C5: variants seen among roughly 807,000 people sequenced by gnomAD.
C5 encodes C3 and PZP-like alpha-2-macroglobulin domain-containing protein 4.
A neutral mutation model predicts 218.8 loss-of-function variants in C5; 140 were observed. The observed-to-expected ratio is 0.64, with a 90% confidence interval of 0.56 to 0.74. The LOEUF is 0.74. Ranked by LOEUF, C5 falls within the 30% of genes least tolerant of loss-of-function variation. The pLI is 0.00. For synonymous variants in C5, 614 were observed against 682.3 expected (o/e 0.90, Z 1.56); for missense variants, 1,700 against 1,969.6 (o/e 0.86, Z 2.59).
chr9:120,991,167 TA>T, intron 23 of C5, 23 bp downstream of exon 23: 1 of 1,335,214 alleles, frequency 7.5e-7, no homozygotes, highest in Non-Finnish European at 1.1e-6. Flanking sequence ...AAATGAGAAA[TA>T]AAAATGGCAT....
In C5 at chr9:121,032,301, A is replaced by G. The variant is rs905014862; in HGVS notation, c.585-106T>C. ...TTTAAAGAGGGAAGAATACACAAAG[A>G]TATATAAAACCTAAGTAATATATTT... On this transcript the variant is annotated intron_variant, in intron 5 of 40. Coordinates refer to ENST00000223642, the MANE Select transcript of C5 (RefSeq NM_001735.3). The G allele has an allele frequency of 1.3e-5, 9 of 680,506 alleles. No individual in the cohort carries two copies. In the African/African-American group the frequency reaches 1.6e-4, roughly 12 times the overall value. 42.2% of individuals were successfully genotyped at this position (680,506 alleles called of 1,614,324 possible). A position where few individuals can be genotyped will look rare whatever the true frequency, so the allele number is the denominator to read the frequency against.
At chr9:120,980,306 A>G (rs776124908) in intron 27 of C5, 52 bp from the exon 28 acceptor site, 8 of 1,502,838 alleles carry the variant, frequency 5.3e-6, no homozygotes, top group Non-Finnish European at 7.4e-6. Flanking sequence ...CCACCTATCA[A>G]TTGATATGAA....
rs762374030 is a variant in C5 at position 121,013,824 on chromosome 9, C to T, written c.2257+49G>A. On this transcript the variant is annotated intron_variant, in intron 17 of 40. Transcript: ENST00000223642. ...CCTTTCTTAGCAGCATAAAATTACACAAAATTCCCCATATTGAGCAGAATT... is the reference window on the plus strand; with the variant it reads ...CCTTTCTTAGCAGCATAAAATTACATAAAATTCCCCATATTGAGCAGAATT... 3 of 1,509,594 alleles carry T rather than the reference C, an allele frequency of 2.0e-6. No individual in the cohort carries two copies. The Admixed American group carries it at 5.0e-5, about 25-fold the overall frequency. The allele number at this position is 1,509,594 out of a possible 1,614,324, so 93.5% of individuals were successfully genotyped here.
intron 25 of C5, among the ~76,000 whole-genome samples, chr9:120,987,859 C>T (rs10760133): frequency 0.37 from 55,702 of 151,624 alleles, 12,707 homozygotes; most frequent in South Asian, 0.63. Flanking sequence ...GTAGCGCGAT[C>T]TCGGCTCACT....
chr9:120,973,511 A>G (rs1268881209), intron 30 of C5, among the ~76,000 whole-genome samples: 2 of 152,218 alleles, frequency 1.3e-5, no homozygotes, highest in Admixed American at 6.5e-5. Flanking sequence ...TGTAGAAGCC[A>G]TGCCAATGCC....
Position 120,973,807 on chromosome 9 carries a change from A to G in C5, c.4017+972T>C, listed in dbSNP as rs41312853. Among the ~76,000 whole-genome samples, 888 of 152,224 alleles carry G rather than the reference A, an allele frequency of 5.8e-3. 7 individuals carry two copies. The highest frequency in any genetic ancestry group is 0.031 in the Middle Eastern group (9 of 294). ...CAGCCTGGCCAAATGGTGAAACCCCATATCTACCAAAAATACAAAAAATGA... is the reference window on the plus strand; with the variant it reads ...CAGCCTGGCCAAATGGTGAAACCCCGTATCTACCAAAAATACAAAAAATGA... On this transcript the variant is annotated intron_variant, in intron 30 of 40. Transcript: ENST00000223642.
Position 120,953,877 on chromosome 9 carries a change from C to T in C5, c.4763-9G>A, listed in dbSNP as rs749681975. On this transcript the variant is annotated splice_polypyrimidine_tract_variant and intron_variant, in intron 39 of 40. Coordinates refer to ENST00000223642, the MANE Select transcript of C5 (RefSeq NM_001735.3). ...CTCAGCAACAGCTTCCCCTGAGAGA[C>T]ATGCAAGTCAAGTAAGGTTATACCA... 3.7e-6 allele frequency: 6 copies of T among 1,613,754 alleles called. No individual in the cohort carries two copies. The East Asian group carries it at 1.3e-4, about 36-fold the overall frequency.
At chr9:120,974,702 TATAAA>T in intron 30 of C5, 72 bp downstream of exon 30, 1 of 1,314,696 alleles carries the variant, frequency 7.6e-7, no homozygotes, top group African/African-American at 1.5e-5. Flanking sequence ...GAGATAGATT[TATAAA>T]ATAAAGAGTG....
chr9:120,984,045 A>C (rs1039590084), intron 25 of C5, among the ~76,000 whole-genome samples: 4 of 152,184 alleles, frequency 2.6e-5, no homozygotes, highest in African/African-American at 7.2e-5. Flanking sequence ...TTAGAGATCT[A>C]TATTAATACA....
At chr9:121,009,077 G>A (rs532839044) in intron 17 of C5, among the ~76,000 whole-genome samples, 6 of 151,950 alleles carry the variant, frequency 3.9e-5, no homozygotes, top group South Asian at 2.1e-4. Flanking sequence ...ACAAGATATC[G>A]ATCAGTCTAT....
intron 21 of C5, 49 bp from the exon 22 acceptor site, chr9:120,996,349 C>A (rs767408318): frequency 6.7e-7 from 1 of 1,491,806 alleles, no homozygotes; most frequent in Non-Finnish European, 9.3e-7. Flanking sequence ...GTTTATATAA[C>A]CTGAATTCCC....
intron 30 of C5, among the ~76,000 whole-genome samples, chr9:120,972,987 C>T (rs142462093): frequency 2.4e-4 from 36 of 152,288 alleles, no homozygotes; most frequent in African/African-American, 7.9e-4. Flanking sequence ...GCCTCTGCCC[C>T]TTTTCACACC....
intron 2 of C5, among the ~76,000 whole-genome samples, chr9:121,043,882 A>G (rs908231741): frequency 4.0e-5 from 6 of 151,858 alleles, no homozygotes; most frequent in Non-Finnish European, 7.4e-5. Context: ...ATTACCTCAC[A>G]TATTTCTGCT....
At chr9:121,036,266 T>G (rs1352779229) in intron 4 of C5, among the ~76,000 whole-genome samples, 1 of 152,224 alleles carries the variant, frequency 6.6e-6, no homozygotes, top group Non-Finnish European at 1.5e-5. Context: ...ACAATTCTTC[T>G]AAGATCATCT....
chr9:120,978,496 T>TA (rs2046968944), intron 28 of C5, among the ~76,000 whole-genome samples: 1 of 152,214 alleles, frequency 6.6e-6, no homozygotes, highest in African/African-American at 2.4e-5. Context: ...TTATGACCCA[T>TA]ATCTCACAAT....
intron 17 of C5, among the ~76,000 whole-genome samples, chr9:121,013,445 A>C (rs143286113): frequency 2.0e-5 from 3 of 152,356 alleles, no homozygotes. Context: ...CTTTTATATA[A>C]GTACACTTAA....
intron 17 of C5, 95 bp from the exon 18 acceptor site, chr9:121,008,593 A>G (rs930395057): frequency 8.9e-5 from 80 of 902,626 alleles, no homozygotes; most frequent in Non-Finnish European, 1.3e-4. Context: ...TAACTTAAGC[A>G]TTTTCTGAAA....
the C5 span, chr9:121,074,766 C>T: frequency 2.2e-6 from 1 of 453,860 alleles, no homozygotes; most frequent in South Asian, 1.6e-5. Context: ...GCAACGCAAT[C>T]CGAAGGCGAA....
At chr9:121,053,068 T>G (rs2047680571), upstream of C5, among the ~76,000 whole-genome samples, 1 of 152,200 alleles carries the variant, frequency 6.6e-6, no homozygotes, top group South Asian at 2.1e-4. Flanking sequence ...GCTGGCTGGC[T>G]AGAGTAAGAG....
Sources: gnomAD v4.1 joint callset for allele counts (sites outside exome capture counted in the v4.1 genomes callset) on GRCh38, gnomAD v4.1.1 for gene constraint, MANE v1.5 for transcripts, NCBI Gene and HGNC (gene_info 2026-07-23, HGNC 2026-07-21) for gene names.